CBLB: variants seen among roughly 807,000 people sequenced by gnomAD.
CBLB encodes the protein Cbl proto-oncogene B.
Under a neutral mutation model 104.9 loss-of-function variants are expected in CBLB, and 31 were observed. The ratio of observed to expected loss-of-function variants is 0.30; its 90% CI spans 0.22 to 0.40. CBLB has a LOEUF of 0.40. Ranked by LOEUF, CBLB falls within the 10% of genes least tolerant of loss-of-function variation. The pLI, the probability that CBLB is intolerant of heterozygous loss-of-function variation, is 1.00. For synonymous variants in CBLB, 440 were observed against 422.6 expected (o/e 1.04, Z -0.51); for missense variants, 1,062 against 1,214.6 (o/e 0.87, Z 1.87).
At chr3:105,748,702 C>G (rs1353046518) in intron 5 of CBLB, among the ~76,000 whole-genome samples, 2 of 152,100 alleles carry the variant, frequency 1.3e-5, no homozygotes, top group Non-Finnish European at 2.9e-5. Context: ...CAGTAAGATC[C>G]CTCCAGTGAC....
At chr3:105,847,440 CATTT>C (rs1577814201) in intron 3 of CBLB, among the ~76,000 whole-genome samples, 2 of 149,146 alleles carry the variant, frequency 1.3e-5, no homozygotes, top group East Asian at 2.0e-4. Context: ...CCCATTTTGT[CATTT>C]ATTTTTTCTA....
intron 3 of CBLB, among the ~76,000 whole-genome samples, chr3:105,834,483 C>T (rs867561717): frequency 6.6e-6 from 1 of 151,998 alleles, no homozygotes; most frequent in Admixed American, 6.6e-5. Context: ...GGTGAAACCC[C>T]GTCTCTACTA....
chr3:105,809,332 T>C (rs1324797351), intron 3 of CBLB, among the ~76,000 whole-genome samples: 1 of 152,186 alleles, frequency 6.6e-6, no homozygotes, highest in Non-Finnish European at 1.5e-5. Context: ...ATAGACTGAA[T>C]GACAAGAACG....
Position 105,723,762 on chromosome 3 carries a change from C to A in CBLB, c.1204-3512G>T, listed in dbSNP as rs188393196. On this transcript the variant is annotated intron_variant, in intron 9 of 18. Transcript: ENST00000394030. ...TATTGCTAAGACAGACATACTATATCTTAAATACCTTCTTTTAAATGTTTT... is the reference window on the plus strand; with the variant it reads ...TATTGCTAAGACAGACATACTATATATTAAATACCTTCTTTTAAATGTTTT... 3.6e-4 allele frequency among the ~76,000 whole-genome samples: 55 copies of A among 152,116 alleles called. 1 individual carries two copies. Among genetic ancestry groups the A allele is most frequent in the Admixed American group, 3.5e-3 (53 of 15,272 alleles).
intron 18 of CBLB, among the ~76,000 whole-genome samples, chr3:105,661,846 C>T (rs545027573): frequency 6.6e-6 from 1 of 152,152 alleles, no homozygotes; most frequent in South Asian, 2.1e-4. Context: ...GGTAGTATAA[C>T]AATTAATGTA....
At chr3:105,856,970 C>T (rs1468753899) in intron 2 of CBLB, among the ~76,000 whole-genome samples, 1 of 152,110 alleles carries the variant, frequency 6.6e-6, no homozygotes, top group Non-Finnish European at 1.5e-5. Flanking sequence ...CACAAGTATA[C>T]ATAAATACCA....
chr3:105,741,791 T>C (rs2075619907), intron 6 of CBLB, among the ~76,000 whole-genome samples: 1 of 152,140 alleles, frequency 6.6e-6, no homozygotes, highest in African/African-American at 2.4e-5. Flanking sequence ...AGTGCTGGGA[T>C]TACAGGCGTG....
intron 2 of CBLB, among the ~76,000 whole-genome samples, chr3:105,859,792 G>A (rs939051511): frequency 1.3e-5 from 2 of 151,718 alleles, no homozygotes; most frequent in African/African-American, 4.8e-5. Context: ...GAGTTCTTTG[G>A]GTTCTTTCCA....
In CBLB at chr3:105,659,187, C is replaced by G. The variant is rs751238337; in HGVS notation, c.2732G>C (p.Arg911Pro). 1.9e-6 allele frequency: 3 copies of G among 1,613,890 alleles called. No homozygotes were observed. Among genetic ancestry groups the G allele is most frequent in the South Asian group, 1.1e-5 (1 of 91,076 alleles). ...APARPPKPRP[R>P]RTAPEIHHRK... ...GTGGTGAATTTCTGGTGCAGTCCTG[C>G]GCGGTCGTGGTTTAGGGGGTCTGGC... Residue 911 changes from arginine to proline, a missense_variant, in exon 19 of 19, where the codon CGC becomes CCC. Physicochemically the swap from Arg to Pro is moderately radical, Grantham distance 103. Around this residue, in one of 2 missense-constraint regions of CBLB, gnomAD observed 605 missense variants for 582.6 expected, o/e 1.04. Coordinates refer to ENST00000394030, the MANE Select transcript of CBLB (RefSeq NM_170662.5).
Position 105,868,785 on chromosome 3 carries a change from C to T in CBLB, c.-64G>A, listed in dbSNP as rs1251438812. ...GACACGCGTGTGCGCGGGTCCCACT[C>T]CACACGCACGCAGCCCAGTGTGTGT... On this transcript the variant is annotated 5_prime_UTR_variant, in exon 1 of 19. Transcript: ENST00000394030. The T allele has an allele frequency of 1.0e-6, 1 of 989,562 alleles. No individual in the cohort carries two copies. Among genetic ancestry groups the T allele is most frequent in the African/African-American group, 1.7e-5 (1 of 57,322 alleles). 61.3% of individuals were successfully genotyped at this position (989,562 alleles called of 1,614,324 possible).
chr3:105,846,033 G>C (rs1000702115), intron 3 of CBLB, among the ~76,000 whole-genome samples: 1 of 151,856 alleles, frequency 6.6e-6, no homozygotes, highest in South Asian at 2.1e-4. Context: ...TTATTTTGAA[G>C]TATCAAAAAT....
chr3:105,761,583 C>A (rs1258293438), intron 4 of CBLB, among the ~76,000 whole-genome samples: 2 of 152,174 alleles, frequency 1.3e-5, no homozygotes, highest in Admixed American at 1.3e-4. Flanking sequence ...GTAAGATGTG[C>A]CTTTTATCTT....
rs75112757 is a variant in CBLB, at chr3:105,859,380, G to A, written c.169-5716C>T. Among the ~76,000 whole-genome samples, 985 of 152,244 alleles carry A rather than the reference G, an allele frequency of 6.5e-3. 29 individuals carry two copies. Among genetic ancestry groups the A allele is most frequent in the East Asian group, 0.056 (290 of 5,180 alleles). On this transcript the variant is annotated intron_variant, in intron 2 of 18. Coordinates refer to ENST00000394030, the MANE Select transcript of CBLB (RefSeq NM_170662.5). Reference sequence around the variant, plus strand: ...ATATAGAAAGCCCTGGGCTAGGCGCGGTGGCTCACGCCTGTAATCCCAGCA... The same window carrying A: ...ATATAGAAAGCCCTGGGCTAGGCGCAGTGGCTCACGCCTGTAATCCCAGCA...
intron 6 of CBLB, among the ~76,000 whole-genome samples, chr3:105,741,787 G>A (rs1291294226): frequency 2.6e-5 from 4 of 152,166 alleles, no homozygotes; most frequent in Non-Finnish European, 5.9e-5. Flanking sequence ...CCAAAGTGCT[G>A]GGATTACAGG....
chr3:105,824,442 T>C (rs2086296247), intron 3 of CBLB, among the ~76,000 whole-genome samples: 3 of 152,098 alleles, frequency 2.0e-5, no homozygotes, highest in Admixed American at 1.3e-4. Flanking sequence ...TTAACAAATA[T>C]GCACCTGGAA....
chr3:105,832,431 T>A (rs1488280129), intron 3 of CBLB, among the ~76,000 whole-genome samples: 1 of 152,176 alleles, frequency 6.6e-6, no homozygotes, highest in East Asian at 1.9e-4. Context: ...AAAAACAGAT[T>A]CTAGATGCTG....
chr3:105,666,343 A>G (rs1576155973), intron 18 of CBLB, among the ~76,000 whole-genome samples: 4 of 152,314 alleles, frequency 2.6e-5, no homozygotes, highest in African/African-American at 9.6e-5. Context: ...AGTTGGATCA[A>G]TTAATTCTGG....
At position 105,704,041 on chromosome 3, in the gene CBLB, T is replaced by A. The variant is rs1282174122; in HGVS notation, c.1540A>T (p.Ile514Phe). ...LPPVPPRLDL[I>F]QKGIVRSPCG... ...GGAGATCTAACTATGCCTTTCTGAA[T>A]TAGATCCAGGCGAGGAGGCACGGGT... The change falls in exon 11 of 19, where the codon ATT (isoleucine) becomes TTT (phenylalanine). Residue 514 changes from isoleucine to phenylalanine, a missense_variant. This residue lies in a region of CBLB where 605 missense variants were observed against 582.6 expected (regional missense o/e 1.04). Coordinates refer to ENST00000394030, the MANE Select transcript of CBLB (RefSeq NM_170662.5). 6.2e-7 allele frequency: 1 copy of A among 1,614,186 alleles called. No individual in the cohort carries two copies. Among genetic ancestry groups the A allele is most frequent in the Non-Finnish European group, 8.5e-7 (1 of 1,180,020 alleles).
intron 18 of CBLB, among the ~76,000 whole-genome samples, chr3:105,665,938 A>G (rs1486051570): frequency 6.6e-6 from 1 of 151,742 alleles, no homozygotes; most frequent in African/African-American, 2.4e-5. Context: ...CTGAGGCAGA[A>G]CTGCTTAAAC....
Sources: gnomAD v4.1 joint callset for allele counts (sites outside exome capture counted in the v4.1 genomes callset) on GRCh38, gnomAD v4.1.1 for gene constraint, gnomAD v4.1.1 regional missense constraint, MANE v1.5 for transcripts, NCBI Gene and HGNC (gene_info 2026-07-23, HGNC 2026-07-21) for gene names.